The following NUP205 variants were observed in gnomAD, a reference collection of about 807,000 sequenced individuals.
The protein encoded by NUP205 is nuclear pore complex protein Nup205.
Under a neutral mutation model 253.8 loss-of-function variants are expected in NUP205, and 76 were observed. That is an observed-to-expected ratio of 0.30 (90% CI 0.25 to 0.36). The LOEUF is 0.36. NUP205 is among the 10% of genes least tolerant of loss of function. The pLI, the probability that NUP205 is intolerant of heterozygous loss-of-function variation, is 1.00. For synonymous variants in NUP205, 832 were observed against 850.1 expected (o/e 0.98, Z 0.37); for missense variants, 2,162 against 2,425.5 (o/e 0.89, Z 2.28).
Position 135,577,133 on chromosome 7 carries a change from G to A in NUP205, c.648+5G>A. ...AGTGAAAAACATCGCAAAGAGGCAA[G>A]GGTTCAATGAAATCAATTCATGAGT... is the stretch of plus-strand genomic sequence containing the variant. On this transcript the variant is annotated splice_donor_5th_base_variant and intron_variant, in intron 5 of 42. Transcript: ENST00000285968. 1 of 1,604,126 alleles carries A rather than the reference G, an allele frequency of 6.2e-7. No individual in the cohort carries two copies. The highest frequency in any genetic ancestry group is 8.5e-7 in the Non-Finnish European group (1 of 1,176,584).
Position 135,617,981 on chromosome 7 carries a change from T to G in NUP205, c.3771+299T>G, listed in dbSNP as rs557887734. On this transcript the variant is annotated intron_variant, in intron 27 of 42. Transcript: ENST00000285968. The stretch of plus-strand genomic sequence containing the variant: ...GAGGAGGGTCATTTGTCATCACAAG[T>G]GGAAAGTTACAGATAAGAGGTCAGG... 6.3e-4 allele frequency among the ~76,000 whole-genome samples: 95 copies of G among 151,490 alleles called. 2 individuals are homozygous for G. Among genetic ancestry groups the G allele is most frequent in the Middle Eastern group, 3.4e-3 (1 of 294 alleles).
intron 38 of NUP205, 47 bp from the exon 39 acceptor site, chr7:135,643,145 G>C: frequency 6.5e-7 from 1 of 1,546,770 alleles, no homozygotes; most frequent in East Asian, 2.3e-5. Context: ...AAATTCATAT[G>C]AAATGCTTAT....
At chr7:135,634,184 C>T (rs1794766887) in intron 35 of NUP205, among the ~76,000 whole-genome samples, 1 of 152,182 alleles carries the variant, frequency 6.6e-6, no homozygotes, top group Admixed American at 6.5e-5. Flanking sequence ...AGTCCTCACA[C>T]CTCAGCCTCC....
Position 135,564,245 on chromosome 7 carries a change from ATTTTTTTTTT to A in NUP205, c.28+6283_28+6292del, listed in dbSNP as rs35094813. On this transcript the variant is annotated intron_variant, in intron 1 of 42. Transcript: ENST00000285968. ...TAGGCACAAGCCACCATGCCCAGCT[ATTTTTTTTTT>A]TTTTTTTTTGAGACGGAGTCTTGCC... 3.2e-5 allele frequency among the ~76,000 whole-genome samples: 4 copies of A among 124,026 alleles called. No homozygotes were observed. In the Admixed American group the frequency reaches 3.4e-4, roughly 11 times the overall value. The allele number at this position is 124,026 out of a possible 152,430, so 81.4% of individuals were successfully genotyped here.
chr7:135,645,009 C>G lies in NUP205; in HGVS notation c.5674C>G (p.Leu1892Val). The change falls in exon 40 of 43, where the codon CTT (leucine) becomes GTT (valine). Residue 1892 changes from leucine to valine, a missense_variant. By Grantham distance (32) the Leu-to-Val change is conservative. Coordinates refer to ENST00000285968, the MANE Select transcript of NUP205 (RefSeq NM_015135.3). ...CAACAATCGAGCTAAACTGCTTTCC[C>G]TTTGTTCTTGTATCCTTTATGAAAT... ...VINNRAKLLS[L>V]CSFIIETCLF... The G allele has an allele frequency of 1.2e-6, 2 of 1,614,062 alleles. No homozygotes were observed. Among genetic ancestry groups the G allele is most frequent in the Non-Finnish European group, 8.5e-7 (1 of 1,179,998 alleles).
intron 35 of NUP205, among the ~76,000 whole-genome samples, chr7:135,631,727 TA>T (rs1376275545): frequency 8.2e-6 from 1 of 122,582 alleles, no homozygotes; most frequent in African/African-American, 3.1e-5. Context: ...TATCTCTTGG[TA>T]TTTTTTTTTT....
In NUP205 at chr7:135,643,318, T is replaced by C. The variant is rs1487067002; in HGVS notation, c.5519T>C (p.Leu1840Pro). The change falls in exon 39 of 43, where the codon CTA becomes CCA. Residue 1840 changes from leucine (L) to proline (P), a missense_variant. Leu to Pro is a moderately conservative substitution (Grantham distance 98, BLOSUM62 -3). Transcript: ENST00000285968. ...YDSHRQSVSK[L>P]QNVEQLPPDE... ...AGTCATCGACAGAGTGTCAGCAAGC[T>C]ACAAAATGTAGAGCAGCTTCCCCCA... 1 of 1,614,100 alleles carries C rather than the reference T, an allele frequency of 6.2e-7. No individual in the cohort carries two copies. Among genetic ancestry groups the C allele is most frequent in the Non-Finnish European group, 8.5e-7 (1 of 1,179,984 alleles).
chr7:135,606,164 T>C lies in NUP205; in HGVS notation c.2843T>C (p.Met948Thr). ...THDQSISQKL[M>T]AGFVECLDCE... is the part of the protein sequence containing the mutation. Reference sequence around the variant, plus strand: ...CTTCAGAGTATAAGTCAGAAACTAATGGCTGGATTTGTGGAGTGTTTGGAT... The same window carrying C: ...CTTCAGAGTATAAGTCAGAAACTAACGGCTGGATTTGTGGAGTGTTTGGAT... The change falls in exon 20 of 43, where the codon ATG becomes ACG. Residue 948 changes from methionine (M) to threonine (T), a missense_variant. Met to Thr is a moderately conservative substitution (Grantham distance 81). Coordinates refer to ENST00000285968, the MANE Select transcript of NUP205 (RefSeq NM_015135.3). The C allele has an allele frequency of 2.5e-6, 4 of 1,612,472 alleles. No homozygotes were observed. Among genetic ancestry groups the C allele is most frequent in the Non-Finnish European group, 3.4e-6 (4 of 1,178,708 alleles).
chr7:135,612,186 T>C lies in NUP205; in HGVS notation c.3196-1973T>C, dbSNP rs146562963. On this transcript the variant is annotated intron_variant, in intron 22 of 42. Transcript: ENST00000285968. ...AAGGGTTTATAGTCAGTTCTCGTTA[T>C]TCACAGTAGTTGTGTTTTATAAAGT... is the stretch of plus-strand genomic sequence containing the variant. Among the ~76,000 whole-genome samples the C allele has an allele frequency of 4.6e-5, 7 of 152,332 alleles. No homozygotes were observed. The East Asian group carries it at 1.3e-3, about 29-fold the overall frequency.
intron 35 of NUP205, among the ~76,000 whole-genome samples, chr7:135,634,123 A>G (rs530992251): frequency 5.9e-5 from 9 of 152,172 alleles, no homozygotes; most frequent in Admixed American, 2.0e-4. Flanking sequence ...TCAGATAAAG[A>G]TGAGGCCTCA....
At chr7:135,616,159 CA>C (rs1433712067) in intron 24 of NUP205, 94 bp downstream of exon 24, 3 of 1,089,260 alleles carry the variant, frequency 2.8e-6, no homozygotes, top group Non-Finnish European at 3.9e-6. Flanking sequence ...GACTATAGAC[CA>C]AAACTATCTT....
At position 135,602,992 on chromosome 7, in the gene NUP205, C is replaced by A. The variant is rs751692408; in HGVS notation, c.2700C>A (p.Ala900=). The A allele has an allele frequency of 6.2e-7, 1 of 1,603,906 alleles. No homozygotes were observed. ...AGGCAGATAATGTGGTAAACATTGC[C>A]AGGTAAGTTACCTTTGTAGGTAGAG... ...TKKADNVVNI[A]RYLYHGNTNP... is the part of the protein sequence containing the mutation. The change falls in exon 18 of 43, where the codon GCC becomes GCA. Residue 900 remains alanine, a splice_region_variant and synonymous_variant. Coordinates refer to ENST00000285968, the MANE Select transcript of NUP205 (RefSeq NM_015135.3).
chr7:135,578,961 C>A, intron 7 of NUP205, 46 bp downstream of exon 7: 1 of 1,455,180 alleles, frequency 6.9e-7, no homozygotes, highest in Non-Finnish European at 9.3e-7. Context: ...AGCATGTTAG[C>A]ACTTAATGAC....
rs1047535076 is a variant in NUP205, at chr7:135,645,323, C to G, written c.5684-145C>G. On this transcript the variant is annotated intron_variant, in intron 40 of 42. Transcript: ENST00000285968. ...CACCTTGCTGCTTCCTCTTGAGGAGCCTTCAGTGAGACCCTGTCTGTTAGA... is the reference window on the plus strand; with the variant it reads ...CACCTTGCTGCTTCCTCTTGAGGAGGCTTCAGTGAGACCCTGTCTGTTAGA... 33 of 890,484 alleles carry G rather than the reference C, an allele frequency of 3.7e-5. No homozygotes were observed. In the Admixed American group the frequency reaches 6.3e-4, roughly 17 times the overall value. 55.2% of individuals were successfully genotyped at this position (890,484 alleles called of 1,614,324 possible).
intron 41 of NUP205, 27 bp from the exon 42 acceptor site, chr7:135,646,130 CG>C (rs1795004363): frequency 6.7e-7 from 1 of 1,499,714 alleles, no homozygotes; most frequent in Non-Finnish European, 9.3e-7. Flanking sequence ...CTTGCACAGC[CG>C]GTATGACTCT....
intron 22 of NUP205, among the ~76,000 whole-genome samples, chr7:135,611,001 C>CT (rs753311876): frequency 0.082 from 11,337 of 137,786 alleles, 847 homozygotes; most frequent in African/African-American, 0.2. Flanking sequence ...TCCTTCTCTT[C>CT]TTTTTTTTTT....
chr7:135,597,933 A>G, intron 14 of NUP205, 65 bp from the exon 15 acceptor site: 3 of 1,250,866 alleles, frequency 2.4e-6, no homozygotes, highest in South Asian at 2.4e-5. Flanking sequence ...TAATGTCTGC[A>G]TAATACTCTT....
At position 135,585,130 on chromosome 7, in the gene NUP205, A is replaced by G. The variant is rs373513841; in HGVS notation, c.1218+123A>G. The G allele has an allele frequency of 2.0e-4, 144 of 713,452 alleles. 2 individuals carry two copies. The South Asian group carries it at 2.9e-3, about 15-fold the overall frequency. 44.2% of individuals were successfully genotyped at this position (713,452 alleles called of 1,614,324 possible). ...TTTTTAATACAGACTAAAATTTGCCAGTAGCTGTATTACATCTTGTGAATC... is the reference window on the plus strand; with the variant it reads ...TTTTTAATACAGACTAAAATTTGCCGGTAGCTGTATTACATCTTGTGAATC... On this transcript the variant is annotated intron_variant, in intron 8 of 42. Transcript: ENST00000285968.
Position 135,646,166 on chromosome 7 carries a change from G to A in NUP205, c.5821G>A (p.Ala1941Thr), listed in dbSNP as rs765728692. 1.2e-5 allele frequency: 19 copies of A among 1,612,094 alleles called. No homozygotes were observed. The highest frequency in any genetic ancestry group is 1.7e-5 in the Admixed American group (1 of 59,970). ...FKSRRLQDSF[A>T]SETNLDFRSG... ...TGTTTTTTTATCTCTAGATTCCTTC[G>A]CCTCAGAAACCAATCTAGATTTTAG... Residue 1941 changes from alanine to threonine, a missense_variant, in exon 42 of 43, where the codon GCC becomes ACC. By Grantham distance (58) the Ala-to-Thr change is moderately conservative. Coordinates refer to ENST00000285968, the MANE Select transcript of NUP205 (RefSeq NM_015135.3).
Sources: allele counts gnomAD v4.1 joint callset (sites outside exome capture counted in the v4.1 genomes callset), GRCh38; gene constraint gnomAD v4.1.1; transcripts MANE v1.5; gene names NCBI Gene and HGNC (gene_info 2026-07-23, HGNC 2026-07-21).